The following GRIK4 variants were observed in gnomAD, a reference collection of about 807,000 sequenced individuals.
The protein encoded by GRIK4 is glutamate receptor ionotropic, kainate 4.
GRIK4 carries 40 observed loss-of-function variants against 104.9 expected under a neutral mutation model. The ratio of observed to expected loss-of-function variants is 0.38; its 90% CI spans 0.30 to 0.50. The LOEUF is 0.50. GRIK4 is among the 20% of genes least tolerant of loss of function. The probability of loss-of-function intolerance (pLI) is 0.93; values close to 1 mark genes in which losing one functional copy is unlikely to be tolerated. For missense variants in GRIK4, 1,047 were observed against 1,308.1 expected (o/e 0.80, Z 3.08); for synonymous variants, 485 against 524.9 (o/e 0.92, Z 1.04).
intron 19 of GRIK4, among the ~76,000 whole-genome samples, chr11:120,973,379 G>A (rs1355244695): frequency 1.3e-5 from 2 of 152,148 alleles, no homozygotes; most frequent in African/African-American, 4.8e-5. Flanking sequence ...GGGACCAAAT[G>A]TTCCCTGGCA....
In GRIK4 at chr11:120,981,663, G is replaced by A. The variant is rs557517227; in HGVS notation, c.2396-443G>A. ...GTAAATATAACTTTTTCTATCCATG[G>A]TTTGGTCAAAACAGTTGCTTTTATA... On this transcript the variant is annotated intron_variant, in intron 19 of 20. Coordinates refer to ENST00000527524, the MANE Select transcript of GRIK4 (RefSeq NM_014619.5). Among the ~76,000 whole-genome samples the A allele has an allele frequency of 2.6e-5, 4 of 152,290 alleles. No individual in the cohort carries two copies. The South Asian group carries it at 8.3e-4, about 32-fold the overall frequency.
chr11:120,717,203 G>A (rs1391679702), intron 3 of GRIK4, among the ~76,000 whole-genome samples: 2 of 152,190 alleles, frequency 1.3e-5, no homozygotes, highest in East Asian at 1.9e-4. Context: ...GCCTCAGGCT[G>A]GGGTCACAGC....
intron 16 of GRIK4, among the ~76,000 whole-genome samples, chr11:120,957,623 G>GTC: frequency 7.2e-6 from 1 of 138,656 alleles, no homozygotes; most frequent in Non-Finnish European, 1.6e-5. Flanking sequence ...GTGTGTGTGT[G>GTC]TGTAGCCTAG....
chr11:120,695,537 C>T (rs918777588), intron 3 of GRIK4, among the ~76,000 whole-genome samples: 4 of 152,258 alleles, frequency 2.6e-5, no homozygotes, highest in Non-Finnish European at 2.9e-5. Context: ...CTTGAGGCCA[C>T]GCTTGTCAGA....
intron 1 of GRIK4, among the ~76,000 whole-genome samples, chr11:120,580,257 C>CTTTCTT (rs1948559545): frequency 1.9e-5 from 2 of 106,544 alleles, no homozygotes; most frequent in South Asian, 5.9e-4. Context: ...CTTTCTTTTT[C>CTTTCTT]TTTCTTTCTT....
intron 3 of GRIK4, among the ~76,000 whole-genome samples, chr11:120,704,728 C>T (rs1377881962): frequency 3.3e-5 from 5 of 151,424 alleles, no homozygotes; most frequent in African/African-American, 1.2e-4. Flanking sequence ...CAACATAACT[C>T]TGCAAACTTT....
At chr11:120,680,682 G>A (rs1397150164) in intron 3 of GRIK4, among the ~76,000 whole-genome samples, 1 of 152,162 alleles carries the variant, frequency 6.6e-6, no homozygotes, top group African/African-American at 2.4e-5. Context: ...TTGAAAATGG[G>A]GACATCAGGG....
At chr11:120,580,672 G>T (rs944308809) in intron 1 of GRIK4, among the ~76,000 whole-genome samples, 5 of 152,088 alleles carry the variant, frequency 3.3e-5, no homozygotes, top group South Asian at 2.1e-4. Context: ...AGGGTGTAGC[G>T]ATCCTACTGC....
At chr11:120,699,094 C>T (rs1180039550) in intron 3 of GRIK4, among the ~76,000 whole-genome samples, 1 of 152,238 alleles carries the variant, frequency 6.6e-6, no homozygotes, top group Non-Finnish European at 1.5e-5. Flanking sequence ...TGTCATATTT[C>T]CCGTTGCCAC....
At chr11:120,773,153 T>TG (rs1294827092) in intron 3 of GRIK4, among the ~76,000 whole-genome samples, 1 of 152,214 alleles carries the variant, frequency 6.6e-6, no homozygotes. Flanking sequence ...ACATAGAGAT[T>TG]AGGTAACCTG....
At chr11:120,687,850 G>T (rs1490093321) in intron 3 of GRIK4, among the ~76,000 whole-genome samples, 1 of 152,130 alleles carries the variant, frequency 6.6e-6, no homozygotes. Context: ...CTCAATTCTA[G>T]TCTTGCTGTT....
intron 1 of GRIK4, among the ~76,000 whole-genome samples, chr11:120,585,278 A>T (rs1192363351): frequency 6.6e-6 from 1 of 151,996 alleles, no homozygotes; most frequent in Non-Finnish European, 1.5e-5. Flanking sequence ...GTACACACAT[A>T]TCTCTTTGAG....
chr11:120,559,429 G>A (rs1476178184), intron 1 of GRIK4, among the ~76,000 whole-genome samples: 1 of 152,172 alleles, frequency 6.6e-6, no homozygotes, highest in Non-Finnish European at 1.5e-5. Flanking sequence ...CTGACCAGCT[G>A]GATGTTTCAT....
At chr11:120,556,642 T>G (rs1443499779) in intron 1 of GRIK4, among the ~76,000 whole-genome samples, 1 of 152,086 alleles carries the variant, frequency 6.6e-6, no homozygotes, top group African/African-American at 2.4e-5. Context: ...CTCAACTTAC[T>G]GGGTAACACC....
At chr11:120,715,376 C>T (rs747383721) in intron 3 of GRIK4, among the ~76,000 whole-genome samples, 4 of 152,234 alleles carry the variant, frequency 2.6e-5, no homozygotes, top group South Asian at 4.2e-4. Flanking sequence ...TGTCGGAAAG[C>T]GGTGGGTCGT....
intron 13 of GRIK4, among the ~76,000 whole-genome samples, chr11:120,925,236 C>T (rs182350446): frequency 9.2e-4 from 140 of 152,250 alleles, no homozygotes; most frequent in Non-Finnish European, 1.7e-3. Flanking sequence ...ATAACAGGCC[C>T]GTGAATCTCA....
At chr11:120,862,160 T>C in intron 9 of GRIK4, 40 bp downstream of exon 9, 2 of 1,579,416 alleles carry the variant, frequency 1.3e-6, no homozygotes, top group Non-Finnish European at 1.7e-6. Context: ...CCCCTTGGCC[T>C]CTGCACATTG....
intron 17 of GRIK4, among the ~76,000 whole-genome samples, chr11:120,961,681 G>A (rs886123597): frequency 6.6e-6 from 1 of 152,210 alleles, no homozygotes; most frequent in South Asian, 2.1e-4. Context: ...CAAGCAAACT[G>A]ATTGATCGCC....
intron 4 of GRIK4, among the ~76,000 whole-genome samples, chr11:120,806,577 T>G (rs991737861): frequency 2.8e-4 from 43 of 152,192 alleles, no homozygotes; most frequent in African/African-American, 8.2e-4. Context: ...GAGACCCTAG[T>G]GATGATATCT....
Sources: allele counts gnomAD v4.1 joint callset (sites outside exome capture counted in the v4.1 genomes callset), GRCh38; gene constraint gnomAD v4.1.1; transcripts MANE v1.5; gene names NCBI Gene and HGNC (gene_info 2026-07-23, HGNC 2026-07-21).